Variants in OPCML observed in about 807,000 individuals in gnomAD.
OPCML encodes opioid binding protein/cell adhesion molecule like, also known as opioid-binding protein/cell adhesion molecule.
Under a neutral mutation model 37.8 loss-of-function variants are expected in OPCML, and 13 were observed. That is an observed-to-expected ratio of 0.34 (90% CI 0.22 to 0.55). The LOEUF (loss-of-function observed/expected upper bound fraction) is 0.55, where lower values mean the gene tolerates loss of function less well. Among genes scored for constraint, OPCML ranks in the 20% least tolerant of loss-of-function variants. The pLI, the probability that OPCML is intolerant of heterozygous loss-of-function variation, is 0.91. For synonymous variants in OPCML, 176 were observed against 168.8 expected (o/e 1.04, Z -0.33); for missense variants, 341 against 435.6 (o/e 0.78, Z 1.93).
intron 2 of OPCML, among the ~76,000 whole-genome samples, chr11:132,672,090 A>C (rs1447953827): frequency 1.3e-5 from 2 of 152,080 alleles, no homozygotes; most frequent in Non-Finnish European, 2.9e-5. Context: ...ACTTGACCTC[A>C]CATTGCCCTT....
chr11:133,446,371 A>G (rs1199924400), intron 1 of OPCML, among the ~76,000 whole-genome samples: 2 of 152,220 alleles, frequency 1.3e-5, no homozygotes, highest in Non-Finnish European at 2.9e-5. Flanking sequence ...AATAATCATG[A>G]TGAGGTATAA....
At chr11:132,779,521 AT>A (rs1946923216) in intron 2 of OPCML, among the ~76,000 whole-genome samples, 1 of 140,188 alleles carries the variant, frequency 7.1e-6, no homozygotes, top group Admixed American at 7.8e-5. Flanking sequence ...ATTTTATTAT[AT>A]TTTTCAAGTT....
At chr11:132,474,783 G>A (rs1040088961) in intron 4 of OPCML, among the ~76,000 whole-genome samples, 13 of 152,158 alleles carry the variant, frequency 8.5e-5, no homozygotes, top group African/African-American at 3.1e-4. Context: ...TTGGAACCAG[G>A]ACACATATCT....
chr11:132,751,608 T>C (rs1188273715), intron 2 of OPCML, among the ~76,000 whole-genome samples: 2 of 152,200 alleles, frequency 1.3e-5, no homozygotes, highest in African/African-American at 4.8e-5. Context: ...TCACTCCAAT[T>C]TCAAGAAATA....
chr11:132,993,487 C>T (rs1946820357), intron 1 of OPCML, among the ~76,000 whole-genome samples: 2 of 152,178 alleles, frequency 1.3e-5, no homozygotes, highest in African/African-American at 2.4e-5. Context: ...TGCTAACCAC[C>T]GTTGAGATGC....
chr11:132,856,126 G>C (rs1942044673), intron 2 of OPCML, among the ~76,000 whole-genome samples: 1 of 152,084 alleles, frequency 6.6e-6, no homozygotes, highest in Admixed American at 6.5e-5. Flanking sequence ...TCATGTCCTA[G>C]GCATAAAAAT....
At chr11:132,448,212 CTT>C (rs2096060295) in intron 4 of OPCML, among the ~76,000 whole-genome samples, 1 of 152,202 alleles carries the variant, frequency 6.6e-6, no homozygotes, top group Non-Finnish European at 1.5e-5. Flanking sequence ...TACTTCCTCT[CTT>C]TCTTTCCTTT....
rs118025229 is a variant in OPCML at position 133,198,866 on chromosome 11, G to A, written c.62-255856C>T. 4.2e-3 allele frequency among the ~76,000 whole-genome samples: 639 copies of A among 152,258 alleles called. 1 individual carries two copies. Among genetic ancestry groups the A allele is most frequent in the Non-Finnish European group, 6.5e-3 (445 of 68,026 alleles). On this transcript the variant is annotated intron_variant, in intron 1 of 7. Transcript: ENST00000524381. The stretch of plus-strand genomic sequence containing the variant: ...CTGGATTGGGTGCATATGAACCAAT[G>A]AGCTGCAAGTTTTCTTCTAATACAG...
At chr11:132,993,506 G>A (rs1946820887) in intron 1 of OPCML, among the ~76,000 whole-genome samples, 1 of 152,144 alleles carries the variant, frequency 6.6e-6, no homozygotes, top group Non-Finnish European at 1.5e-5. Flanking sequence ...GCCAGCAGGC[G>A]TGGCTGACCC....
At chr11:132,455,263 C>T (rs943581528) in intron 4 of OPCML, among the ~76,000 whole-genome samples, 4 of 152,100 alleles carry the variant, frequency 2.6e-5, no homozygotes, top group East Asian at 3.9e-4. Flanking sequence ...ATCTGGTGGG[C>T]GCCTCAGAGA....
At chr11:132,793,025 G>C (rs1014844230) in intron 2 of OPCML, among the ~76,000 whole-genome samples, 5 of 152,222 alleles carry the variant, frequency 3.3e-5, no homozygotes, top group Admixed American at 2.0e-4. Flanking sequence ...TACGGGCAGC[G>C]GCGGGCTCTG....
intron 3 of OPCML, among the ~76,000 whole-genome samples, chr11:132,542,610 G>T (rs988590223): frequency 6.6e-6 from 1 of 152,088 alleles, no homozygotes; most frequent in Non-Finnish European, 1.5e-5. Flanking sequence ...CTCCTGCCCT[G>T]CTCTGCACCA....
At chr11:132,599,375 GAA>G (rs1937678670) in intron 3 of OPCML, among the ~76,000 whole-genome samples, 2 of 12,790 alleles carry the variant, frequency 1.6e-4, no homozygotes, top group Non-Finnish European at 1.5e-4. Context: ...GGAGGAGGAA[GAA>G]GGAGGAAGAA....
chr11:133,421,785 T>C, intron 1 of OPCML: 1 of 985,336 alleles, frequency 1.0e-6, no homozygotes, highest in Non-Finnish European at 1.2e-6. Context: ...GGATATCAAT[T>C]GCTTTCGAGT....
intron 1 of OPCML, among the ~76,000 whole-genome samples, chr11:132,956,078 G>A (rs1369985314): frequency 2.0e-5 from 3 of 152,094 alleles, no homozygotes; most frequent in African/African-American, 7.2e-5. Flanking sequence ...CAAGATTCAT[G>A]TGCCAAATAT....
Position 132,764,827 on chromosome 11 carries a change from A to C in OPCML, c.147-107508T>G, listed in dbSNP as rs564339066. The stretch of plus-strand genomic sequence containing the variant: ...CTTTCCTCAGGCTCCATGTAAGGAC[A>C]ATTAAGCTCAAATATGATCTGGTAT... On this transcript the variant is annotated intron_variant, in intron 2 of 7. Coordinates refer to ENST00000524381, the MANE Select transcript of OPCML (RefSeq NM_001012393.5). Among the ~76,000 whole-genome samples the C allele has an allele frequency of 5.6e-4, 85 of 152,352 alleles. 1 individual carries two copies. The highest frequency in any genetic ancestry group is 1.9e-3 in the African/African-American group (81 of 41,592).
chr11:133,508,946 C>T (rs182184715), intron 1 of OPCML, among the ~76,000 whole-genome samples: 17 of 151,984 alleles, frequency 1.1e-4, no homozygotes, highest in East Asian at 3.9e-4. Context: ...TATGCTCAAC[C>T]CTTTCTCTTT....
At chr11:133,395,495 C>T (rs1945264910) in intron 1 of OPCML, among the ~76,000 whole-genome samples, 2 of 152,014 alleles carry the variant, frequency 1.3e-5, no homozygotes, top group Admixed American at 6.5e-5. Flanking sequence ...GGAAAGTTTC[C>T]CTAATGTTTT....
chr11:133,268,511 T>A (rs1941725135), intron 1 of OPCML, among the ~76,000 whole-genome samples: 1 of 152,224 alleles, frequency 6.6e-6, no homozygotes, highest in Non-Finnish European at 1.5e-5. Context: ...TAATAAAATG[T>A]CTAGCAATTA....
Sources: allele counts gnomAD v4.1 joint callset (sites outside exome capture counted in the v4.1 genomes callset), GRCh38; gene constraint gnomAD v4.1.1; transcripts MANE v1.5; gene names NCBI Gene and HGNC (gene_info 2026-07-23, HGNC 2026-07-21).